SF1: variants seen among roughly 807,000 people sequenced by gnomAD.
SF1 encodes the protein splicing factor 1.
A neutral mutation model predicts 62.5 loss-of-function variants in SF1; 7 were observed. That is an observed-to-expected ratio of 0.11 (90% CI 0.06 to 0.21). The LOEUF (loss-of-function observed/expected upper bound fraction) is 0.21, where lower values mean the gene tolerates loss of function less well. Among genes scored for constraint, SF1 ranks in the 10% least tolerant of loss-of-function variants. The probability of loss-of-function intolerance (pLI) is 1.00; values close to 1 mark genes in which losing one functional copy is unlikely to be tolerated. For synonymous variants in SF1, 394 were observed against 323.6 expected, an observed-to-expected ratio of 1.22 and a Z score of -2.33; for missense variants, 578 against 884.0, an observed-to-expected ratio of 0.65 and a Z score of 4.39.
chr11:64,769,006 A>C lies in SF1; in HGVS notation c.887+16T>G. 3 of 1,580,232 alleles carry C rather than the reference A, an allele frequency of 1.9e-6. No homozygotes were observed. Among genetic ancestry groups the C allele is most frequent in the Non-Finnish European group, 2.6e-6 (3 of 1,149,128 alleles). ...CATCGCAGGCTACCAGGAAACCGCA[A>C]GAGCCAGCCCCTCACCTTTGGAATT... On this transcript the variant is annotated intron_variant, in intron 8 of 12. Coordinates refer to ENST00000377390, the MANE Select transcript of SF1 (RefSeq NM_004630.4).
chr11:64,769,166 T>C (rs758789217), intron 7 of SF1, 37 bp from the exon 8 acceptor site: 1 of 1,609,258 alleles, frequency 6.2e-7, no homozygotes, highest in Admixed American at 1.7e-5. Flanking sequence ...AAGGGAACAA[T>C]CTCTACTTCC....
chr11:64,765,511 G>A lies in SF1; in HGVS notation c.*307C>T, dbSNP rs770785471. Reference sequence around the variant, plus strand: ...TGGCTCGGGCCATCGCCGCCGCGGGGAGGGATCCTGGCGGCCCGGTTTGGG... The same window carrying A: ...TGGCTCGGGCCATCGCCGCCGCGGGAAGGGATCCTGGCGGCCCGGTTTGGG... On this transcript the variant is annotated 3_prime_UTR_variant, in exon 13 of 13. Coordinates refer to ENST00000377390, the MANE Select transcript of SF1 (RefSeq NM_004630.4). 1.2e-6 allele frequency: 2 copies of A among 1,608,988 alleles called. No homozygotes were observed. Among genetic ancestry groups the A allele is most frequent in the South Asian group, 2.2e-5 (2 of 90,420 alleles).
chr11:64,768,446 T>C (rs182456210), intron 8 of SF1, among the ~76,000 whole-genome samples, 160 bp from the exon 9 acceptor site: 1 of 152,374 alleles, frequency 6.6e-6, no homozygotes, highest in Admixed American at 6.5e-5. Flanking sequence ...CTCAACAGTC[T>C]CATCAGATCT....
At position 64,773,416 on chromosome 11, in the gene SF1, A is replaced by G. The variant is rs1047545204; in HGVS notation, c.236+14T>C. On this transcript the variant is annotated intron_variant, in intron 3 of 12. Transcript: ENST00000377390. The stretch of plus-strand genomic sequence containing the variant: ...AAAAGCGTTACTGTCAGCTGGTTAA[A>G]ACTGTTTCCCAACCTGTCCTCAGGG... The G allele has an allele frequency of 3.5e-5, 56 of 1,612,518 alleles. No individual in the cohort carries two copies. The highest frequency in any genetic ancestry group is 4.5e-5 in the Non-Finnish European group (53 of 1,179,614).
rs574177694 is a variant in SF1, at chr11:64,766,916, G to A, written c.1566C>T (p.Pro522=). 6 of 1,229,426 alleles carry A rather than the reference G, an allele frequency of 4.9e-6. No homozygotes were observed. The highest frequency in any genetic ancestry group is 3.8e-5 in the South Asian group (2 of 52,878). The allele number at this position is 1,229,426 out of a possible 1,614,324, so 76.2% of individuals were successfully genotyped here. The change falls in exon 12 of 13, where the codon CCC becomes CCT. Residue 522 remains proline, a synonymous_variant. Coordinates refer to ENST00000377390, the MANE Select transcript of SF1 (RefSeq NM_004630.4). ...PPSSSMASST[P]LPWQQNTTTT... ...TCTACTCACTTTGCTGCCATGGCAA[G>A]GGGGTACTGGAAGCCATACTGCTGC... is the stretch of plus-strand genomic sequence containing the variant.
intron 1 of SF1, among the ~76,000 whole-genome samples, chr11:64,776,936 T>C (rs2135984754): frequency 6.6e-6 from 1 of 152,310 alleles, no homozygotes; most frequent in Non-Finnish European, 1.5e-5. Context: ...AGATAGATAC[T>C]ACATCAACCA....
In SF1 at chr11:64,766,009, G is replaced by A. The variant is rs1188347427; in HGVS notation, c.1729C>T (p.Leu577=). The change falls in exon 13 of 13, where the codon CTG becomes TTG. Residue 577 remains leucine, a synonymous_variant. Transcript: ENST00000377390. ...VPLPPGVQPP[L]PPGAPPPPPP... ...GGAGGGGGAGGGGCCCCAGGCGGCA[G>A]AGGCGGCTGGACCCCGGGGGGCAGG... 13 of 1,607,020 alleles carry A rather than the reference G, an allele frequency of 8.1e-6. No homozygotes were observed. The Admixed American group carries it at 1.3e-4, about 17-fold the overall frequency.
Position 64,765,221 on chromosome 11 carries a change from A to T in SF1, c.*597T>A. 1 of 441,916 alleles carries T rather than the reference A, an allele frequency of 2.3e-6. No individual in the cohort carries two copies. Among genetic ancestry groups the T allele is most frequent in the Non-Finnish European group, 4.1e-6 (1 of 246,276 alleles). 27.4% of individuals were successfully genotyped at this position (441,916 alleles called of 1,614,324 possible). ...TCCTTGGTAAGGGAAGGAGAACTGG[A>T]GAGAAGGGAAAGGAATCTAAATTGC... On this transcript the variant is annotated 3_prime_UTR_variant, in exon 13 of 13. Coordinates refer to ENST00000377390, the MANE Select transcript of SF1 (RefSeq NM_004630.4).
chr11:64,778,509 C>T lies in SF1; in HGVS notation c.-117G>A, dbSNP rs934523419. 1.0e-5 allele frequency: 12 copies of T among 1,190,412 alleles called. No homozygotes were observed. The highest frequency in any genetic ancestry group is 6.5e-5 in the African/African-American group (4 of 61,486). 73.7% of individuals were successfully genotyped at this position (1,190,412 alleles called of 1,614,324 possible). On this transcript the variant is annotated 5_prime_UTR_variant, in exon 1 of 13. Coordinates refer to ENST00000377390, the MANE Select transcript of SF1 (RefSeq NM_004630.4). The stretch of plus-strand genomic sequence containing the variant: ...TGCCGGAGCGCGCGGAGCCCGTCCT[C>T]TCACGCGGCGGGCGGCGGCGGCGCG...
Position 64,766,112 on chromosome 11 carries a change from C to T in SF1, c.1626G>A (p.Pro542=), listed in dbSNP as rs1376845011. 6 of 1,609,788 alleles carry T rather than the reference C, an allele frequency of 3.7e-6. No homozygotes were observed. The highest frequency in any genetic ancestry group is 1.1e-5 in the South Asian group (1 of 91,034). Reference sequence around the variant, plus strand: ...CAGCCGCCTGCTGCTGTTGCCATGGCGGGATGGACCCTGTGCCAGCGCTCG... The same window carrying T: ...CAGCCGCCTGCTGCTGTTGCCATGGTGGGATGGACCCTGTGCCAGCGCTCG... ...TTTSAGTGSI[P]PWQQQQAAAA... The change falls in exon 13 of 13, where the codon CCG becomes CCA. Residue 542 remains proline (P), a synonymous_variant. Coordinates refer to ENST00000377390, the MANE Select transcript of SF1 (RefSeq NM_004630.4).
intron 8 of SF1, among the ~76,000 whole-genome samples, chr11:64,768,637 C>A (rs994225201): frequency 6.6e-6 from 1 of 152,264 alleles, no homozygotes; most frequent in South Asian, 2.1e-4. Context: ...CCAGAACGAA[C>A]TTCCTAAACA....
rs1438540969 is a variant in SF1, at chr11:64,769,085, T to C, written c.824A>G (p.Asn275Ser). The C allele has an allele frequency of 8.1e-6, 13 of 1,614,078 alleles. No individual in the cohort carries two copies. Among genetic ancestry groups the C allele is most frequent in the African/African-American group, 1.3e-5 (1 of 74,916 alleles). The change falls in exon 8 of 13, where the codon AAC (asparagine) becomes AGC (serine). Residue 275 changes from asparagine to serine, a missense_variant. Asn to Ser is a conservative substitution (Grantham distance 46). Transcript: ENST00000377390. ...TCCACACTTGGTACACACTGTGGTG[T>C]TGGTAATGCTGCGGGTCTCTGAGCT... Reference protein sequence around the residue: ...WQSSETRSITNTTVCTKCGGA... With the variant: ...WQSSETRSITSTTVCTKCGGA...
rs539331716 is a variant in SF1 at position 64,770,428 on chromosome 11, G to A, written c.237-20C>T. ...GGGGACCTGTGGGAAACAGACTCCC[G>A]TTTACTATTCTGCACCGACTTCTCT... On this transcript the variant is annotated intron_variant, in intron 3 of 12. Coordinates refer to ENST00000377390, the MANE Select transcript of SF1 (RefSeq NM_004630.4). 58 of 1,607,682 alleles carry A rather than the reference G, an allele frequency of 3.6e-5. No homozygotes were observed. Among genetic ancestry groups the A allele is most frequent in the African/African-American group, 9.3e-5 (7 of 74,912 alleles).
intron 3 of SF1, 82 bp downstream of exon 3, chr11:64,773,348 G>A: frequency 1.3e-6 from 2 of 1,558,290 alleles, no homozygotes; most frequent in South Asian, 1.2e-5. Flanking sequence ...TTATTGAACT[G>A]ACACAATATG....
intron 1 of SF1, chr11:64,777,780 G>GGGCC: frequency 4.5e-6 from 2 of 445,390 alleles, no homozygotes; most frequent in Non-Finnish European, 5.6e-6. Flanking sequence ...AGCGCCTCCC[G>GGGCC]CCCGCCCAGC....
intron 1 of SF1, chr11:64,777,866 G>A (rs1403745349): frequency 4.3e-6 from 4 of 933,302 alleles, no homozygotes; most frequent in East Asian, 1.2e-4. Context: ...CTCCGCCCGG[G>A]CCTCCCCGTG....
At chr11:64,777,976 G>A in intron 1 of SF1, 1 of 993,574 alleles carries the variant, frequency 1.0e-6, no homozygotes, top group Non-Finnish European at 1.2e-6. Context: ...CGCTCTCTCG[G>A]CCCGACTCAC....
intron 1 of SF1, 198 bp downstream of exon 1, chr11:64,778,164 G>A (rs1219724077): frequency 1.4e-5 from 13 of 898,744 alleles, no homozygotes; most frequent in Middle Eastern, 4.5e-4. Flanking sequence ...GGAGGCGGAG[G>A]GGGCGGCGGC....
At chr11:64,773,319 C>A (rs984853830) in intron 3 of SF1, 111 bp downstream of exon 3, 2 of 1,525,486 alleles carry the variant, frequency 1.3e-6, no homozygotes, top group Non-Finnish European at 8.8e-7. Flanking sequence ...GGTCAGGGTA[C>A]AGTCGTCATA....
Sources: allele counts gnomAD v4.1 joint callset (sites outside exome capture counted in the v4.1 genomes callset), GRCh38; gene constraint gnomAD v4.1.1; transcripts MANE v1.5; gene names NCBI Gene and HGNC (gene_info 2026-07-23, HGNC 2026-07-21).